Variants in SYT14 observed in about 807,000 individuals in gnomAD.
SYT14 encodes the protein synaptotagmin-14.
A neutral mutation model predicts 74.2 loss-of-function variants in SYT14; 32 were observed. The ratio of observed to expected loss-of-function variants is 0.43; its 90% confidence interval spans 0.33 to 0.58. The LOEUF is 0.58. Among genes scored for constraint, SYT14 ranks in the 20% least tolerant of loss-of-function variants. The pLI is 0.05. For missense variants in SYT14, 791 were observed against 981.8 expected (o/e 0.81, Z 2.60); for synonymous variants, 298 against 337.7 (o/e 0.88, Z 1.29).
intron 5 of SYT14, among the ~76,000 whole-genome samples, chr1:210,030,636 T>C (rs2080510613): frequency 6.6e-6 from 1 of 152,180 alleles, no homozygotes; most frequent in African/African-American, 2.4e-5. Context: ...GTTGAAGTGG[T>C]GAAAGTAGGC....
At chr1:210,009,550 A>G (rs2080048189) in intron 2 of SYT14, among the ~76,000 whole-genome samples, 1 of 152,102 alleles carries the variant, frequency 6.6e-6, no homozygotes, top group Non-Finnish European at 1.5e-5. Flanking sequence ...TATTTATCTA[A>G]AGATATGTAA....
chr1:209,962,555 T>C (rs2102718213), intron 2 of SYT14, among the ~76,000 whole-genome samples: 1 of 152,236 alleles, frequency 6.6e-6, no homozygotes, highest in South Asian at 2.1e-4. Context: ...CGTTCTCAGC[T>C]TCTTTGAACT....
intron 2 of SYT14, among the ~76,000 whole-genome samples, chr1:209,968,928 T>G (rs1403330674): frequency 6.6e-6 from 1 of 152,086 alleles, no homozygotes; most frequent in Non-Finnish European, 1.5e-5. Flanking sequence ...CCCCAGTGTC[T>G]TTTGTTCTCA....
intron 5 of SYT14, among the ~76,000 whole-genome samples, chr1:210,073,679 T>C (rs1040194132): frequency 1.3e-5 from 2 of 152,078 alleles, no homozygotes; most frequent in East Asian, 1.9e-4. Flanking sequence ...AATGGAGTTA[T>C]GTTTTGGGTT....
chr1:210,109,353 G>A (rs2082217141), intron 7 of SYT14, among the ~76,000 whole-genome samples: 1 of 152,114 alleles, frequency 6.6e-6, no homozygotes, highest in African/African-American at 2.4e-5. Context: ...GCTGAGGTGG[G>A]CAGATGACAA....
At chr1:210,028,325 G>C (rs1335401238) in intron 5 of SYT14, among the ~76,000 whole-genome samples, 1 of 151,950 alleles carries the variant, frequency 6.6e-6, no homozygotes, top group East Asian at 1.9e-4. Context: ...TAAGTGTGCA[G>C]CTCAATAGTT....
chr1:209,990,549 GTA>G lies in SYT14; in HGVS notation c.-485-23075_-485-23074del. Among the ~76,000 whole-genome samples, 19 of 56,894 alleles carry G rather than the reference GTA, an allele frequency of 3.3e-4. 2 individuals carry two copies. In the East Asian group the frequency reaches 7.6e-3, roughly 23 times the overall value. The allele number at this position is 56,894 out of a possible 152,430, so 37.3% of individuals were successfully genotyped here. On this transcript the variant is annotated intron_variant, in intron 2 of 9. Transcript: ENST00000637265. The stretch of plus-strand genomic sequence containing the variant: ...CATATATATATATACGTATATATAT[GTA>G]TATATATACGTATATATATGTATGT...
At chr1:210,139,265 C>CTTTTATTTTTTTTTTTTT (rs2082862193) in intron 7 of SYT14, among the ~76,000 whole-genome samples, 1 of 95,858 alleles carries the variant, frequency 1.0e-5, no homozygotes, top group South Asian at 3.6e-4. Context: ...TTTCTTTTTT[C>CTTTTATTTTTTTTTTTTT]TTTTTTTTTT....
intron 7 of SYT14, among the ~76,000 whole-genome samples, chr1:210,147,587 A>G (rs1205640967): frequency 1.3e-5 from 2 of 152,272 alleles, no homozygotes; most frequent in Admixed American, 6.5e-5. Context: ...AACATACTAC[A>G]TGCTAGACAT....
chr1:209,964,030 T>C (rs966027243), intron 2 of SYT14, among the ~76,000 whole-genome samples: 3 of 152,194 alleles, frequency 2.0e-5, no homozygotes, highest in Non-Finnish European at 4.4e-5. Flanking sequence ...GTCAGTGATA[T>C]GGTTTGGCTC....
chr1:209,941,084 G>C (rs2078722728), intron 1 of SYT14, among the ~76,000 whole-genome samples: 1 of 152,104 alleles, frequency 6.6e-6, no homozygotes. Flanking sequence ...ACTCTTATTA[G>C]CTATGGCCCA....
intron 7 of SYT14, among the ~76,000 whole-genome samples, chr1:210,106,656 A>C (rs1382074901): frequency 6.6e-6 from 1 of 152,142 alleles, no homozygotes; most frequent in East Asian, 1.9e-4. Context: ...GAACAGCATA[A>C]GGGTAACTGC....
chr1:210,011,942 GA>G (rs939165928), intron 2 of SYT14, among the ~76,000 whole-genome samples: 1 of 152,102 alleles, frequency 6.6e-6, no homozygotes, highest in African/African-American at 2.4e-5. Context: ...TAAAAAAGTT[GA>G]AAGAGAGACT....
chr1:210,141,229 C>T (rs757887610), intron 7 of SYT14, among the ~76,000 whole-genome samples: 1 of 152,042 alleles, frequency 6.6e-6, no homozygotes, highest in Non-Finnish European at 1.5e-5. Flanking sequence ...TTGTAACTTT[C>T]GTGTAATACA....
intron 5 of SYT14, among the ~76,000 whole-genome samples, chr1:210,048,913 A>T (rs2080936673): frequency 6.6e-6 from 1 of 152,220 alleles, no homozygotes; most frequent in Non-Finnish European, 1.5e-5. Flanking sequence ...ATTCACCAAA[A>T]CAAAGGGGCT....
chr1:209,986,331 C>T (rs1207217590), intron 2 of SYT14, among the ~76,000 whole-genome samples: 1 of 152,106 alleles, frequency 6.6e-6, no homozygotes, highest in African/African-American at 2.4e-5. Flanking sequence ...AGGGGCTGGG[C>T]GCGGTGGCTC....
chr1:210,111,382 C>T (rs1203873102), intron 7 of SYT14, among the ~76,000 whole-genome samples: 2 of 151,668 alleles, frequency 1.3e-5, no homozygotes, highest in African/African-American at 4.9e-5. Context: ...GCCATTTTCA[C>T]TTCTTTTGTC....
At chr1:209,966,789 TC>T (rs917113727) in intron 2 of SYT14, among the ~76,000 whole-genome samples, 4 of 152,212 alleles carry the variant, frequency 2.6e-5, no homozygotes, top group Admixed American at 1.3e-4. Context: ...TTTTACTTCT[TC>T]CTTTCCAATC....
chr1:210,137,091 T>G (rs751984881), intron 7 of SYT14, among the ~76,000 whole-genome samples: 2 of 152,150 alleles, frequency 1.3e-5, no homozygotes, highest in Non-Finnish European at 2.9e-5. Flanking sequence ...CTTGAAAATT[T>G]TATACAAATG....
Sources: allele counts gnomAD v4.1 joint callset (sites outside exome capture counted in the v4.1 genomes callset), GRCh38; gene constraint gnomAD v4.1.1; transcripts MANE v1.5; gene names NCBI Gene and HGNC (gene_info 2026-07-23, HGNC 2026-07-21).